ASH2L: variants seen among roughly 807,000 people sequenced by gnomAD.
The protein encoded by ASH2L is set1/Ash2 histone methyltransferase complex subunit ASH2.
A neutral mutation model predicts 81.1 loss-of-function variants in ASH2L; 30 were observed. That is an observed-to-expected ratio of 0.37 (90% CI 0.28 to 0.50). The LOEUF is 0.50. Ranked by LOEUF, ASH2L falls within the 20% of genes least tolerant of loss-of-function variation. ASH2L has a pLI of 0.95. For synonymous variants in ASH2L, 273 were observed against 279.9 expected, an observed-to-expected ratio of 0.98 and a Z score of 0.24; for missense variants, 559 against 792.1, an observed-to-expected ratio of 0.71 and a Z score of 3.53.
At chr8:38,118,236 A>G (rs1304062607) in intron 8 of ASH2L, among the ~76,000 whole-genome samples, 2 of 152,194 alleles carry the variant, frequency 1.3e-5, no homozygotes, top group Admixed American at 1.3e-4. Context: ...GCCACCTTCA[A>G]TGTCTTGATC....
intron 6 of ASH2L, among the ~76,000 whole-genome samples, 169 bp downstream of exon 6, chr8:38,114,456 A>G (rs1353836720): frequency 6.6e-6 from 1 of 152,236 alleles, no homozygotes; most frequent in East Asian, 1.9e-4. Flanking sequence ...CACACACAGA[A>G]TCAGTGAGAT....
At chr8:38,114,058 A>G in intron 5 of ASH2L, 134 bp from the exon 6 acceptor site, 1 of 579,454 alleles carries the variant, frequency 1.7e-6, no homozygotes, top group Non-Finnish European at 3.0e-6. Context: ...AACCTTGTAT[A>G]ACACCGTGGG....
At chr8:38,126,905 G>A (rs1161205123) in intron 10 of ASH2L, among the ~76,000 whole-genome samples, 6 of 151,868 alleles carry the variant, frequency 4.0e-5, no homozygotes, top group Admixed American at 3.9e-4. Flanking sequence ...GCCAGGTGCT[G>A]TGGCTCATTC....
intron 5 of ASH2L, among the ~76,000 whole-genome samples, chr8:38,112,885 T>C (rs191756637): frequency 1.3e-5 from 2 of 152,314 alleles, no homozygotes; most frequent in Admixed American, 1.3e-4. Context: ...TAAATAACTT[T>C]CCCTCATTCT....
intron 7 of ASH2L, 124 bp from the exon 8 acceptor site, chr8:38,116,526 C>T (rs1185039991): frequency 2.7e-6 from 2 of 747,950 alleles, no homozygotes; most frequent in Non-Finnish European, 4.5e-6. Flanking sequence ...GAGTAAGGCC[C>T]CATCTCAGAA....
At chr8:38,135,334 A>G (rs1263441090) in intron 13 of ASH2L, among the ~76,000 whole-genome samples, 1 of 152,082 alleles carries the variant, frequency 6.6e-6, no homozygotes, top group Non-Finnish European at 1.5e-5. Flanking sequence ...CTGTAGTCCC[A>G]GCTGCTTGGG....
At chr8:38,122,617 T>C (rs1801676800) in intron 10 of ASH2L, 1 of 152,206 alleles carries the variant, frequency 6.6e-6, no homozygotes, top group Admixed American at 6.5e-5. Flanking sequence ...CAAACCTGCA[T>C]GTACACAGAT....
chr8:38,136,966 G>A (rs971667654), intron 14 of ASH2L, among the ~76,000 whole-genome samples: 3 of 151,770 alleles, frequency 2.0e-5, no homozygotes, highest in African/African-American at 4.8e-5. Flanking sequence ...ATGGCCACGC[G>A]CCTATAATCC....
intron 1 of ASH2L, 26 bp from the exon 2 acceptor site, chr8:38,106,352 A>G (rs1457265816): frequency 6.2e-7 from 1 of 1,609,232 alleles, no homozygotes; most frequent in Non-Finnish European, 8.5e-7. Flanking sequence ...GAGAATTCTT[A>G]CTTGAGCGCT....
intron 12 of ASH2L, among the ~76,000 whole-genome samples, chr8:38,130,630 G>A (rs1329246930): frequency 6.7e-6 from 1 of 150,192 alleles, no homozygotes; most frequent in African/African-American, 2.5e-5. Context: ...ATGGAGTCTC[G>A]CTCTGTTGCC....
chr8:38,123,085 T>TC (rs1272800739), intron 10 of ASH2L, among the ~76,000 whole-genome samples: 1 of 141,932 alleles, frequency 7.0e-6, no homozygotes. Flanking sequence ...AGAATTTCTT[T>TC]TTTTTTTTTT....
chr8:38,131,465 G>A (rs942547603), intron 12 of ASH2L, among the ~76,000 whole-genome samples: 2 of 151,994 alleles, frequency 1.3e-5, no homozygotes, highest in Non-Finnish European at 1.5e-5. Flanking sequence ...GCAACATGGC[G>A]AAACCCTGTC....
At position 38,128,304 on chromosome 8, in the gene ASH2L, G is replaced by C; in HGVS notation, c.1179G>C (p.Lys393Asn). The stretch of plus-strand genomic sequence containing the variant: ...CTGTCACCGCAGCTCCCCAGTTAAA[G>C]ATCTCAGATGACCGGCTGACTGTGG... ...LALHDRAPQL[K>N]ISDDRLTVVG... The change falls in exon 11 of 16, where the codon AAG (lysine) becomes AAC (asparagine). Residue 393 changes from lysine to asparagine, a missense_variant. Transcript: ENST00000343823. The C allele has an allele frequency of 6.2e-7, 1 of 1,614,156 alleles. No homozygotes were observed. The highest frequency in any genetic ancestry group is 1.3e-5 in the African/African-American group (1 of 75,040).
chr8:38,114,861 A>T, intron 6 of ASH2L, 44 bp from the exon 7 acceptor site: 1 of 1,263,508 alleles, frequency 7.9e-7, no homozygotes, highest in South Asian at 1.2e-5. Context: ...CCATACTTTT[A>T]AGTATAAAAT....
At chr8:38,127,591 C>T (rs545667653) in intron 10 of ASH2L, among the ~76,000 whole-genome samples, 13 of 150,756 alleles carry the variant, frequency 8.6e-5, no homozygotes, top group African/African-American at 2.9e-4. Flanking sequence ...ACTAAAAATA[C>T]GAAAATTAGC....
chr8:38,131,273 A>G (rs1802049211), intron 12 of ASH2L, among the ~76,000 whole-genome samples: 1 of 152,176 alleles, frequency 6.6e-6, no homozygotes, highest in African/African-American at 2.4e-5. Context: ...TACAGAACAC[A>G]GAGGTCTGCA....
intron 14 of ASH2L, 27 bp from the exon 15 acceptor site, chr8:38,138,789 T>C (rs1400149888): frequency 8.1e-6 from 13 of 1,608,272 alleles, no homozygotes; most frequent in East Asian, 2.2e-5. Context: ...ATTTTTTCCA[T>C]GTCTGCTTGA....
At chr8:38,121,621 C>CAGTT (rs976083105) in intron 10 of ASH2L, among the ~76,000 whole-genome samples, 10 of 152,028 alleles carry the variant, frequency 6.6e-5, no homozygotes, top group Non-Finnish European at 8.8e-5. Flanking sequence ...TAGTCTTTAA[C>CAGTT]AGTTCCAAAG....
intron 9 of ASH2L, among the ~76,000 whole-genome samples, chr8:38,120,256 A>T (rs72643067): frequency 6.6e-6 from 1 of 152,310 alleles, no homozygotes; most frequent in Non-Finnish European, 1.5e-5. Flanking sequence ...CTAGGGAGTG[A>T]AGTTCTGTTA....
Sources: allele counts gnomAD v4.1 joint callset (sites outside exome capture counted in the v4.1 genomes callset), GRCh38; gene constraint gnomAD v4.1.1; transcripts MANE v1.5; gene names NCBI Gene and HGNC (gene_info 2026-07-23, HGNC 2026-07-21).